NTRK3: variants seen among roughly 807,000 people sequenced by gnomAD.
NTRK3 encodes neurotrophic receptor tyrosine kinase 3, also known as NT-3 growth factor receptor.
NTRK3 carries 24 observed loss-of-function variants against 91.7 expected under a neutral mutation model. The observed-to-expected ratio is 0.26, with a 90% confidence interval of 0.19 to 0.37. The LOEUF is 0.37. Ranked by LOEUF, NTRK3 falls within the 10% of genes least tolerant of loss-of-function variation. NTRK3 has a pLI of 1.00. For missense variants in NTRK3, 880 were observed against 1,068.9 expected, an observed-to-expected ratio of 0.82 and a Z score of 2.46; for synonymous variants, 483 against 404.0, an observed-to-expected ratio of 1.20 and a Z score of -2.34.
intron 5 of NTRK3, among the ~76,000 whole-genome samples, chr15:88,176,347 G>A (rs577922714): frequency 1.3e-5 from 2 of 152,194 alleles, no homozygotes; most frequent in South Asian, 4.1e-4. Flanking sequence ...ATGTTGGTCA[G>A]AATGGTCTCG....
chr15:88,108,934 T>C (rs1002884459), intron 13 of NTRK3, among the ~76,000 whole-genome samples: 2 of 152,158 alleles, frequency 1.3e-5, no homozygotes, highest in African/African-American at 4.8e-5. Flanking sequence ...GAGAATTCTC[T>C]CTCTAATCCA....
chr15:88,150,560 C>G (rs1265773976), intron 5 of NTRK3, among the ~76,000 whole-genome samples: 4 of 152,040 alleles, frequency 2.6e-5, no homozygotes, highest in Admixed American at 6.5e-5. Context: ...CTGGATTCCT[C>G]CCGCTCTTTG....
At chr15:88,117,353 A>T (rs986323405) in intron 13 of NTRK3, among the ~76,000 whole-genome samples, 4 of 152,170 alleles carry the variant, frequency 2.6e-5, no homozygotes, top group African/African-American at 7.2e-5. Context: ...GTACTCAATG[A>T]ATGTTTGATG....
intron 14 of NTRK3, among the ~76,000 whole-genome samples, chr15:87,992,881 T>C: frequency 6.6e-6 from 1 of 152,228 alleles, no homozygotes; most frequent in Non-Finnish European, 1.5e-5. Flanking sequence ...TCCCATGTGA[T>C]AGATACGGAT....
At chr15:87,929,138 A>G in intron 17 of NTRK3, 53 bp downstream of exon 17, 1 of 1,613,754 alleles carries the variant, frequency 6.2e-7, no homozygotes, top group Non-Finnish European at 8.5e-7. Flanking sequence ...AAAGACATGT[A>G]AGCAAGGCGC....
chr15:87,930,863 C>G (rs1042035558), intron 16 of NTRK3, among the ~76,000 whole-genome samples: 12 of 152,014 alleles, frequency 7.9e-5, no homozygotes, highest in African/African-American at 2.9e-4. Context: ...GACTGTCGAG[C>G]CTTGATTTAG....
At chr15:88,045,288 A>G (rs2080071879) in intron 13 of NTRK3, among the ~76,000 whole-genome samples, 1 of 152,182 alleles carries the variant, frequency 6.6e-6, no homozygotes, top group Non-Finnish European at 1.5e-5. Flanking sequence ...AGCAGTAAGG[A>G]ACCTGTCTGC....
chr15:88,086,943 C>T (rs1043196461), intron 13 of NTRK3, among the ~76,000 whole-genome samples: 6 of 152,320 alleles, frequency 3.9e-5, no homozygotes, highest in African/African-American at 1.2e-4. Flanking sequence ...AGGCTCTGCC[C>T]TTCCAGGCTC....
intron 15 of NTRK3, among the ~76,000 whole-genome samples, chr15:87,938,588 C>T (rs1239598242): frequency 2.0e-5 from 3 of 152,172 alleles, no homozygotes; most frequent in Admixed American, 1.3e-4. Context: ...ACATTTTCTG[C>T]ATTACTCGGT....
chr15:88,099,823 C>T (rs1052161272), intron 13 of NTRK3, among the ~76,000 whole-genome samples: 7 of 152,250 alleles, frequency 4.6e-5, no homozygotes, highest in East Asian at 1.9e-4. Context: ...GGAAATTGAA[C>T]GCTATGGTGG....
chr15:88,173,347 G>A (rs996174693), intron 5 of NTRK3, among the ~76,000 whole-genome samples: 1 of 152,166 alleles, frequency 6.6e-6, no homozygotes, highest in Non-Finnish European at 1.5e-5. Context: ...CTATAACAGG[G>A]TGTGCCACCT....
At chr15:88,096,366 A>G (rs997404774) in intron 13 of NTRK3, among the ~76,000 whole-genome samples, 3 of 152,172 alleles carry the variant, frequency 2.0e-5, no homozygotes, top group African/African-American at 7.2e-5. Flanking sequence ...TGAATCACCC[A>G]CGATGACTAT....
chr15:87,986,416 A>G (rs1181170322), intron 14 of NTRK3, among the ~76,000 whole-genome samples: 1 of 152,264 alleles, frequency 6.6e-6, no homozygotes, highest in Non-Finnish European at 1.5e-5. Context: ...GAGTTCACAT[A>G]TAACCCTGTT....
intron 13 of NTRK3, among the ~76,000 whole-genome samples, chr15:88,090,524 C>T (rs1402298624): frequency 1.3e-5 from 2 of 152,080 alleles, no homozygotes; most frequent in African/African-American, 2.4e-5. Context: ...GGGATAATCA[C>T]TTGGCAACCC....
intron 13 of NTRK3, among the ~76,000 whole-genome samples, chr15:88,124,075 T>C (rs149023687): frequency 1.1e-4 from 17 of 152,230 alleles, no homozygotes; most frequent in African/African-American, 4.1e-4. Flanking sequence ...TTATTTTTGT[T>C]TTGCACTTAT....
At chr15:88,100,261 T>C (rs572154839) in intron 13 of NTRK3, among the ~76,000 whole-genome samples, 2 of 152,224 alleles carry the variant, frequency 1.3e-5, no homozygotes, top group African/African-American at 2.4e-5. Flanking sequence ...CAAAGAACAA[T>C]GCAAGAGGCT....
chr15:88,008,578 A>G (rs1339866576), intron 14 of NTRK3, among the ~76,000 whole-genome samples: 1 of 152,050 alleles, frequency 6.6e-6, no homozygotes, highest in Non-Finnish European at 1.5e-5. Flanking sequence ...TTTACTATCC[A>G]TGGAACTATA....
At chr15:88,207,781 C>G (rs1260363482) in intron 3 of NTRK3, among the ~76,000 whole-genome samples, 2 of 152,198 alleles carry the variant, frequency 1.3e-5, no homozygotes, top group Non-Finnish European at 2.9e-5. Context: ...AACACAGCCT[C>G]AACAGACCAG....
chr15:88,172,191 A>G (rs16941381), intron 5 of NTRK3, among the ~76,000 whole-genome samples: 2,460 of 152,346 alleles, frequency 0.016, 55 homozygotes, highest in African/African-American at 0.056. Context: ...CCCAGCAAGA[A>G]AAGAGACTTT....
Sources: gnomAD v4.1 joint callset for allele counts (sites outside exome capture counted in the v4.1 genomes callset) on GRCh38, gnomAD v4.1.1 for gene constraint, MANE v1.5 for transcripts, NCBI Gene and HGNC (gene_info 2026-07-23, HGNC 2026-07-21) for gene names.